EML1: variants seen among roughly 807,000 people sequenced by gnomAD.
EML1 encodes echinoderm microtubule-associated protein-like 1.
In EML1, 27 loss-of-function variants were observed where a neutral mutation model predicts 110.4. That is an observed-to-expected ratio of 0.24 (90% CI 0.18 to 0.34). The LOEUF is 0.34. Ranked by LOEUF, EML1 falls within the 10% of genes least tolerant of loss-of-function variation. The pLI, the probability that EML1 is intolerant of heterozygous loss-of-function variation, is 1.00. For missense variants in EML1, 741 were observed against 1,030.9 expected (o/e 0.72, Z 3.85); for synonymous variants, 344 against 385.8 (o/e 0.89, Z 1.27).
At chr14:99,793,261 C>T (rs1430933859), upstream of EML1, 4 of 920,410 alleles carry the variant, frequency 4.3e-6, no homozygotes, top group Non-Finnish European at 1.3e-6. Context: ...CCCGCGGCCG[C>T]CGAGGCCGCC....
At chr14:99,898,431 A>G (rs2059706564) in intron 8 of EML1, 129 bp downstream of exon 8, 2 of 860,032 alleles carry the variant, frequency 2.3e-6, no homozygotes, top group Non-Finnish European at 3.4e-6. Flanking sequence ...TGAACCCCTC[A>G]CTAGAATTTT....
intron 1 of EML1, among the ~76,000 whole-genome samples, chr14:99,756,852 T>A (rs1402625300): frequency 6.6e-6 from 1 of 152,126 alleles, no homozygotes; most frequent in East Asian, 1.9e-4. Flanking sequence ...CTTTCCTGTG[T>A]TCCCAGCCTC....
rs139250376 is a variant in EML1, at chr14:99,759,963, C to T, written c.28+22103C>T. ...CTCTACTATAAATACAGAAATTAGC[C>T]GGGCGTGGTGGCGGGTGCCTGTAAT... On this transcript the variant is annotated intron_variant, in intron 1 of 10. Coordinates refer to the EML1 transcript ENST00000554479. 2.8e-3 allele frequency among the ~76,000 whole-genome samples: 427 copies of T among 151,626 alleles called. 6 individuals carry two copies. The highest frequency in any genetic ancestry group is 9.8e-3 in the African/African-American group (404 of 41,322).
chr14:99,862,574 G>A (rs1008093186), intron 2 of EML1, among the ~76,000 whole-genome samples: 10 of 152,202 alleles, frequency 6.6e-5, no homozygotes, highest in South Asian at 2.1e-4. Flanking sequence ...ACAGATACTC[G>A]TTGTGTACTT....
chr14:99,940,233 C>T lies in EML1; in HGVS notation c.*121C>T. The T allele has an allele frequency of 7.6e-7, 1 of 1,311,534 alleles. No homozygotes were observed. The highest frequency in any genetic ancestry group is 9.8e-7 in the Non-Finnish European group (1 of 1,020,726). The allele number at this position is 1,311,534 out of a possible 1,614,324, so 81.2% of individuals were successfully genotyped here. ...TTACAAACCTCAGGAAAACTGTGCC[C>T]TCCGCCGGCTACCTTAGCTTAGCGT... On this transcript the variant is annotated 3_prime_UTR_variant, in exon 22 of 22. Transcript: ENST00000262233.
At chr14:99,738,042 G>T (rs915905589) in intron 1 of EML1, among the ~76,000 whole-genome samples, 1 of 152,200 alleles carries the variant, frequency 6.6e-6, no homozygotes, top group African/African-American at 2.4e-5. Context: ...TCAAAGCTGG[G>T]TTCCGCCACA....
rs201844096 is a variant in EML1, at chr14:99,830,511, C to CTT, written c.68-20336_68-20335dup. On this transcript the variant is annotated intron_variant, in intron 1 of 21. Coordinates refer to ENST00000262233, the MANE Select transcript of EML1 (RefSeq NM_004434.3). ...TTCCTCTTCCCTCCTGCTTTCTTGGCTTTTTTTGCACTTTTTGGAGCATTC... is the reference window on the plus strand; with the variant it reads ...TTCCTCTTCCCTCCTGCTTTCTTGGCTTTTTTTTTGCACTTTTTGGAGCATTC... 2.2e-4 allele frequency among the ~76,000 whole-genome samples: 33 copies of CTT among 151,922 alleles called. 1 individual carries two copies. Among genetic ancestry groups the CTT allele is most frequent in the African/African-American group, 5.6e-4 (23 of 41,392 alleles).
intron 1 of EML1, among the ~76,000 whole-genome samples, chr14:99,800,052 A>G (rs1203056059): frequency 1.3e-5 from 2 of 152,214 alleles, no homozygotes; most frequent in Admixed American, 6.5e-5. Flanking sequence ...AGTATTAGCA[A>G]AATTTTTAAA....
chr14:99,802,315 G>T (rs1045181861), intron 1 of EML1, among the ~76,000 whole-genome samples: 5 of 152,148 alleles, frequency 3.3e-5, no homozygotes, highest in Non-Finnish European at 7.3e-5. Flanking sequence ...AGGAGCAGTG[G>T]GAATACAGGG....
chr14:99,823,456 G>C (rs1321591415), intron 1 of EML1, among the ~76,000 whole-genome samples: 3 of 152,052 alleles, frequency 2.0e-5, no homozygotes, highest in African/African-American at 2.4e-5. Context: ...CGTCCTCTCT[G>C]AGCCTGAATT....
chr14:99,882,742 C>T (rs1005847983), intron 4 of EML1, among the ~76,000 whole-genome samples: 12 of 151,152 alleles, frequency 7.9e-5, no homozygotes, highest in South Asian at 2.1e-4. Flanking sequence ...CATTCAAAGT[C>T]GTCCTGGGCC....
intron 3 of EML1, among the ~76,000 whole-genome samples, chr14:99,874,353 T>C (rs1019552187): frequency 6.6e-6 from 1 of 152,234 alleles, no homozygotes; most frequent in African/African-American, 2.4e-5. Context: ...TGTCTATGCA[T>C]TTCTATACAA....
At chr14:99,893,259 C>T (rs112115429) in intron 5 of EML1, among the ~76,000 whole-genome samples, 5,038 of 37,554 alleles carry the variant, frequency 0.13, 283 homozygotes, top group African/African-American at 0.32. Context: ...GGAAGGGCTC[C>T]GTAAACCTGG....
In EML1 at chr14:99,940,226, C is replaced by G. The variant is rs1475041487; in HGVS notation, c.*114C>G. 4 of 1,333,086 alleles carry G rather than the reference C, an allele frequency of 3.0e-6. No homozygotes were observed. The highest frequency in any genetic ancestry group is 3.9e-6 in the Non-Finnish European group (4 of 1,038,722). 82.6% of individuals were successfully genotyped at this position (1,333,086 alleles called of 1,614,324 possible). A position where few individuals can be genotyped will look rare whatever the true frequency, so the allele number is the denominator to read the frequency against. ...AAAATTCTTACAAACCTCAGGAAAA[C>G]TGTGCCCTCCGCCGGCTACCTTAGC... is the stretch of plus-strand genomic sequence containing the variant. On this transcript the variant is annotated 3_prime_UTR_variant, in exon 22 of 22. Coordinates refer to ENST00000262233, the MANE Select transcript of EML1 (RefSeq NM_004434.3).
chr14:99,889,093 G>A (rs2059537589), intron 4 of EML1, among the ~76,000 whole-genome samples: 1 of 152,216 alleles, frequency 6.6e-6, no homozygotes, highest in Non-Finnish European at 1.5e-5. Flanking sequence ...CTGGAACTAA[G>A]TGCCAGGCAG....
intron 10 of EML1, among the ~76,000 whole-genome samples, chr14:99,908,390 C>T (rs1258835104): frequency 6.6e-6 from 1 of 152,206 alleles, no homozygotes; most frequent in South Asian, 2.1e-4. Flanking sequence ...ATTCAGATTT[C>T]TCATCTTTGC....
At chr14:99,903,572 A>G (rs1390246729) in intron 9 of EML1, among the ~76,000 whole-genome samples, 1 of 152,168 alleles carries the variant, frequency 6.6e-6, no homozygotes, top group Non-Finnish European at 1.5e-5. Context: ...TTAATAACAT[A>G]CACTAAGTCA....
chr14:99,795,292 G>A (rs1211673451), intron 1 of EML1, among the ~76,000 whole-genome samples: 1 of 152,162 alleles, frequency 6.6e-6, no homozygotes, highest in Non-Finnish European at 1.5e-5. Flanking sequence ...AGAGATATTG[G>A]CATGGTATTT....
At chr14:99,843,836 T>C (rs1354282550) in intron 1 of EML1, among the ~76,000 whole-genome samples, 1 of 152,226 alleles carries the variant, frequency 6.6e-6, no homozygotes, top group East Asian at 1.9e-4. Context: ...ACAATGGTTG[T>C]TACACCAACC....
Sources: allele counts gnomAD v4.1 joint callset (sites outside exome capture counted in the v4.1 genomes callset), GRCh38; gene constraint gnomAD v4.1.1; transcripts MANE v1.5; gene names NCBI Gene and HGNC (gene_info 2026-07-23, HGNC 2026-07-21).